SNX29: variants seen among roughly 807,000 people sequenced by gnomAD.
SNX29 encodes sorting nexin-29.
In SNX29, 78 loss-of-function variants were observed where a neutral mutation model predicts 102.1. The observed-to-expected ratio is 0.76, with a 90% CI of 0.64 to 0.92. SNX29 has a LOEUF of 0.92. Among genes scored for constraint, SNX29 ranks in the 40% least tolerant of loss-of-function variants. The pLI is 0.00. For synonymous variants in SNX29, 580 were observed against 414.5 expected, an observed-to-expected ratio of 1.40 and a Z score of -4.85; for missense variants, 1,280 against 1,061.7, an observed-to-expected ratio of 1.21 and a Z score of -2.86.
In SNX29 at chr16:12,553,671, A is replaced by G. The variant is rs541583974; in HGVS notation, c.2319-14835A>G. Among the ~76,000 whole-genome samples, 10 of 144,564 alleles carry G rather than the reference A, an allele frequency of 6.9e-5. No homozygotes were observed. In the South Asian group the frequency reaches 1.7e-3, roughly 25 times the overall value. 94.8% of individuals were successfully genotyped at this position (144,564 alleles called of 152,430 possible). ...AATGACGTGATCTTGGCTCACTGCA[A>G]CCTCCGCCTCCTGGGTTCAAACAAT... On this transcript the variant is annotated intron_variant, in intron 20 of 20. Coordinates refer to ENST00000566228, the MANE Select transcript of SNX29 (RefSeq NM_032167.5).
intron 15 of SNX29, among the ~76,000 whole-genome samples, chr16:12,292,813 T>C (rs1002220909): frequency 6.6e-6 from 1 of 152,244 alleles, no homozygotes; most frequent in African/African-American, 2.4e-5. Context: ...CCTGTTCTCT[T>C]CCTCTGTGAG....
At position 11,987,644 on chromosome 16, in the gene SNX29, C is replaced by G. The variant is rs147430188; in HGVS notation, c.7+10831C>G. 1.6e-3 allele frequency among the ~76,000 whole-genome samples: 247 copies of G among 152,296 alleles called. 3 individuals are homozygous for G. The highest frequency in any genetic ancestry group is 5.9e-3 in the African/African-American group (244 of 41,560). Reference sequence around the variant, plus strand: ...ACTCCTGGCCTTGTGATCTGTCTGTCTTGGCTTCCCAAAGTGCTGGGATTA... The same window carrying G: ...ACTCCTGGCCTTGTGATCTGTCTGTGTTGGCTTCCCAAAGTGCTGGGATTA... On this transcript the variant is annotated intron_variant, in intron 1 of 20. Coordinates refer to ENST00000566228, the MANE Select transcript of SNX29 (RefSeq NM_032167.5).
intron 14 of SNX29, among the ~76,000 whole-genome samples, chr16:12,237,394 A>G (rs967165123): frequency 2.8e-4 from 42 of 152,168 alleles, no homozygotes; most frequent in African/African-American, 8.9e-4. Flanking sequence ...AGATTTTGCA[A>G]TTAAGGACAT....
At chr16:12,554,035 A>G (rs918302540) in intron 20 of SNX29, among the ~76,000 whole-genome samples, 5 of 152,210 alleles carry the variant, frequency 3.3e-5, no homozygotes, top group Non-Finnish European at 7.3e-5. Flanking sequence ...CATGTTGCCC[A>G]GGCTGGTCTG....
chr16:12,212,610 A>G (rs956205548), intron 14 of SNX29, among the ~76,000 whole-genome samples: 2 of 152,246 alleles, frequency 1.3e-5, no homozygotes, highest in Admixed American at 1.3e-4. Flanking sequence ...TATATTTTAT[A>G]TATGTTTGTA....
intron 20 of SNX29, among the ~76,000 whole-genome samples, chr16:12,560,500 C>T (rs568860486): frequency 6.6e-5 from 10 of 152,220 alleles, no homozygotes; most frequent in South Asian, 4.2e-4. Flanking sequence ...TTTCTGGGCA[C>T]GCCTGTCCTG....
At chr16:12,355,843 TAAAAAAAAAAAAAAAAAA>T (rs56358290) in intron 15 of SNX29, among the ~76,000 whole-genome samples, 4 of 85,582 alleles carry the variant, frequency 4.7e-5, no homozygotes, top group East Asian at 4.9e-4. Flanking sequence ...GAGATCTTAT[TAAAAAAAAAAAAAAAAAA>T]AAAAAAAAAA....
chr16:12,554,593 C>T (rs186061030), intron 20 of SNX29, among the ~76,000 whole-genome samples: 16 of 152,302 alleles, frequency 1.1e-4, no homozygotes, highest in South Asian at 8.3e-4. Flanking sequence ...CTTGGAGCTC[C>T]CAAGCCAGAG....
intron 11 of SNX29, chr16:12,086,981 G>C (rs373227527): frequency 3.3e-5 from 5 of 152,082 alleles, no homozygotes; most frequent in African/African-American, 2.4e-5. Flanking sequence ...CTTTGGCTGC[G>C]ATATTTCAGC....
At chr16:12,557,108 G>A (rs766714222) in intron 20 of SNX29, among the ~76,000 whole-genome samples, 15 of 149,352 alleles carry the variant, frequency 1.0e-4, no homozygotes, top group African/African-American at 2.7e-4. Flanking sequence ...CTCAACCTCC[G>A]AAAGTGCTGA....
At chr16:12,544,105 G>A (rs2077473346) in intron 20 of SNX29, among the ~76,000 whole-genome samples, 1 of 152,166 alleles carries the variant, frequency 6.6e-6, no homozygotes, top group Admixed American at 6.6e-5. Flanking sequence ...GTTGTGGAAG[G>A]CTGTTAAGGA....
At chr16:12,158,151 T>C (rs1469873454) in intron 13 of SNX29, among the ~76,000 whole-genome samples, 1 of 151,984 alleles carries the variant, frequency 6.6e-6, no homozygotes, top group African/African-American at 2.4e-5. Flanking sequence ...CCATCATGGC[T>C]CACTGCAGCC....
At chr16:12,080,262 T>C (rs4781173) in intron 11 of SNX29, among the ~76,000 whole-genome samples, 33,254 of 152,060 alleles carry the variant, frequency 0.22, 4,114 homozygotes, top group African/African-American at 0.34. Flanking sequence ...AAGAAAGAGT[T>C]TGGGAGGCAC....
At chr16:12,064,626 G>T (rs548677476) in intron 9 of SNX29, among the ~76,000 whole-genome samples, 1 of 152,234 alleles carries the variant, frequency 6.6e-6, no homozygotes, top group African/African-American at 2.4e-5. Context: ...ATTATTCCAG[G>T]ACTGTGTCAG....
At chr16:12,110,836 T>C (rs987254076) in intron 11 of SNX29, among the ~76,000 whole-genome samples, 1 of 152,028 alleles carries the variant, frequency 6.6e-6, no homozygotes, top group Non-Finnish European at 1.5e-5. Flanking sequence ...TTAATTTTTT[T>C]TTTTTGAGAA....
intron 11 of SNX29, among the ~76,000 whole-genome samples, chr16:12,107,359 A>G (rs2053302207): frequency 6.7e-6 from 1 of 149,294 alleles, no homozygotes; most frequent in African/African-American, 2.5e-5. Flanking sequence ...TTTTTTTTAA[A>G]ACGTTTTTGC....
chr16:12,145,756 G>T (rs1001313693), intron 13 of SNX29, among the ~76,000 whole-genome samples: 1 of 152,188 alleles, frequency 6.6e-6, no homozygotes, highest in South Asian at 2.1e-4. Context: ...ATTGTCTCAT[G>T]TTATTCAGTT....
At chr16:12,523,196 C>T (rs905133427) in intron 19 of SNX29, among the ~76,000 whole-genome samples, 4 of 152,162 alleles carry the variant, frequency 2.6e-5, no homozygotes, top group African/African-American at 9.7e-5. Context: ...TGAGCCCCTG[C>T]CTTGGGCCAG....
intron 13 of SNX29, among the ~76,000 whole-genome samples, chr16:12,194,383 G>T (rs912052486): frequency 3.9e-5 from 6 of 152,170 alleles, no homozygotes; most frequent in African/African-American, 1.2e-4. Flanking sequence ...ATTTTTGTCA[G>T]TTCTTGGGAT....
Sources: allele counts gnomAD v4.1 joint callset (sites outside exome capture counted in the v4.1 genomes callset), GRCh38; gene constraint gnomAD v4.1.1; transcripts MANE v1.5; gene names NCBI Gene and HGNC (gene_info 2026-07-23, HGNC 2026-07-21).